Variants in SLC25A21 observed in about 807,000 individuals in gnomAD.
The protein encoded by SLC25A21 is mitochondrial 2-oxodicarboxylate carrier.
SLC25A21 carries 47 observed loss-of-function variants against 43.8 expected under a neutral mutation model. The ratio of observed to expected loss-of-function variants is 1.07; its 90% CI spans 0.85 to 1.37. SLC25A21 has a LOEUF of 1.37. Among genes scored for constraint, SLC25A21 ranks in the 40% most tolerant of loss-of-function variants. The probability of loss-of-function intolerance (pLI) is 0.00; values close to 1 mark genes in which losing one functional copy is unlikely to be tolerated. For missense variants in SLC25A21, 352 were observed against 350.2 expected, an observed-to-expected ratio of 1.00 and a Z score of -0.04; for synonymous variants, 131 against 121.3, an observed-to-expected ratio of 1.08 and a Z score of -0.52.
intron 2 of SLC25A21, among the ~76,000 whole-genome samples, chr14:36,822,469 G>A (rs1456529259): frequency 6.6e-6 from 1 of 152,156 alleles, no homozygotes; most frequent in Non-Finnish European, 1.5e-5. Context: ...GTCTTTATTA[G>A]GTGTAGGTGG....
At chr14:36,830,646 T>C (rs1023409433) in intron 2 of SLC25A21, among the ~76,000 whole-genome samples, 16 of 152,192 alleles carry the variant, frequency 1.1e-4, no homozygotes, top group Admixed American at 9.2e-4. Context: ...TTGCATGTTG[T>C]ATGTAAACTG....
At chr14:37,012,184 C>T (rs898164482) in intron 1 of SLC25A21, among the ~76,000 whole-genome samples, 1 of 152,062 alleles carries the variant, frequency 6.6e-6, no homozygotes, top group African/African-American at 2.4e-5. Context: ...GGTAATAAAT[C>T]CAAAGGCTAC....
At chr14:37,018,805 A>G (rs568449628) in intron 1 of SLC25A21, among the ~76,000 whole-genome samples, 15 of 152,130 alleles carry the variant, frequency 9.9e-5, no homozygotes, top group African/African-American at 3.4e-4. Flanking sequence ...CACCACCCGC[A>G]TAATTTCAAC....
At chr14:36,845,547 T>C (rs1352249878) in intron 2 of SLC25A21, among the ~76,000 whole-genome samples, 4 of 152,244 alleles carry the variant, frequency 2.6e-5, no homozygotes, top group Admixed American at 6.5e-5. Flanking sequence ...GTGCCAAGTA[T>C]TGCATGAGGC....
chr14:36,905,927 AGAG>A (rs2138604813), intron 1 of SLC25A21, among the ~76,000 whole-genome samples: 1 of 152,280 alleles, frequency 6.6e-6, no homozygotes, highest in East Asian at 1.9e-4. Context: ...GGCTTAAGAA[AGAG>A]GAGGTAACGT....
intron 1 of SLC25A21, among the ~76,000 whole-genome samples, chr14:37,129,301 T>A (rs6571786): frequency 0.94 from 143,168 of 152,288 alleles, 67,438 homozygotes; most frequent in East Asian, 1. Context: ...TTGGCACTTT[T>A]TTATGCACAG....
At position 36,679,364 on chromosome 14, in the gene SLC25A21, C is replaced by G. The variant is rs1882082851; in HGVS notation, c.*1294G>C. ...TAAATTAATAAAAAGTAATAATTACCATGTTATCTTTTACTTTTTATTTTC... is the reference window on the plus strand; with the variant it reads ...TAAATTAATAAAAAGTAATAATTACGATGTTATCTTTTACTTTTTATTTTC... On this transcript the variant is annotated 3_prime_UTR_variant, in exon 10 of 10. Coordinates refer to ENST00000331299, the MANE Select transcript of SLC25A21 (RefSeq NM_030631.4). The G allele has an allele frequency of 1.0e-6, 1 of 974,738 alleles. No individual in the cohort carries two copies. The highest frequency in any genetic ancestry group is 1.2e-6 in the Non-Finnish European group (1 of 820,624). The allele number at this position is 974,738 out of a possible 1,614,324, so 60.4% of individuals were successfully genotyped here. A position where few individuals can be genotyped will look rare whatever the true frequency, so the allele number is the denominator to read the frequency against.
At chr14:37,166,910 T>TAA (rs1413004509) in intron 1 of SLC25A21, among the ~76,000 whole-genome samples, 2 of 152,124 alleles carry the variant, frequency 1.3e-5, no homozygotes, top group African/African-American at 4.8e-5. Flanking sequence ...CTATATATTC[T>TAA]AACAGGGATC....
At chr14:37,090,267 G>T (rs1293731461) in intron 1 of SLC25A21, among the ~76,000 whole-genome samples, 1 of 152,232 alleles carries the variant, frequency 6.6e-6, no homozygotes. Context: ...GATTGCTGTT[G>T]TGACAGTTTT....
At chr14:36,932,659 A>G (rs1892324311) in intron 1 of SLC25A21, among the ~76,000 whole-genome samples, 1 of 152,032 alleles carries the variant, frequency 6.6e-6, no homozygotes. Flanking sequence ...CATATACATG[A>G]TCCTGCTCTA....
chr14:37,099,046 G>T (rs936985829), intron 1 of SLC25A21, among the ~76,000 whole-genome samples: 1 of 151,824 alleles, frequency 6.6e-6, no homozygotes, highest in Non-Finnish European at 1.5e-5. Flanking sequence ...CAAGTGATCC[G>T]CCTGCCTCGG....
rs1350210075 is a variant in SLC25A21 at position 36,891,000 on chromosome 14, C to A, written c.71-15996G>T. ...TTTTCTAAGAACCAAAATACAACTG[C>A]CTTGAAAGACTTGTAATCGACAGTA... On this transcript the variant is annotated intron_variant, in intron 1 of 9. Coordinates refer to ENST00000331299, the MANE Select transcript of SLC25A21 (RefSeq NM_030631.4). Among the ~76,000 whole-genome samples, 8 of 152,224 alleles carry A rather than the reference C, an allele frequency of 5.3e-5. No homozygotes were observed. The East Asian group carries it at 1.5e-3, about 29-fold the overall frequency.
intron 1 of SLC25A21, among the ~76,000 whole-genome samples, chr14:36,934,631 A>G (rs1296999421): frequency 6.6e-6 from 1 of 152,082 alleles, no homozygotes; most frequent in East Asian, 1.9e-4. Context: ...GTAAAAAGAA[A>G]GTGGTAGGAT....
intron 3 of SLC25A21, among the ~76,000 whole-genome samples, chr14:36,802,345 A>G (rs1887896025): frequency 6.6e-6 from 1 of 152,194 alleles, no homozygotes; most frequent in South Asian, 2.1e-4. Flanking sequence ...ATATTATTTC[A>G]TCAGAGTTCT....
chr14:36,893,920 C>A (rs1324664217), intron 1 of SLC25A21, among the ~76,000 whole-genome samples: 4 of 152,078 alleles, frequency 2.6e-5, no homozygotes, highest in Non-Finnish European at 4.4e-5. Flanking sequence ...GGTACCAGTA[C>A]CATGCTGTTT....
intron 1 of SLC25A21, among the ~76,000 whole-genome samples, chr14:37,124,590 G>A (rs1177704572): frequency 6.6e-6 from 1 of 152,132 alleles, no homozygotes; most frequent in East Asian, 1.9e-4. Context: ...GATTCCCAAG[G>A]CTGAAAATAT....
chr14:36,721,861 A>C (rs532818157), intron 6 of SLC25A21, among the ~76,000 whole-genome samples: 1 of 152,310 alleles, frequency 6.6e-6, no homozygotes, highest in African/African-American at 2.4e-5. Flanking sequence ...ATATTTTCTA[A>C]ATTTTCTACG....
chr14:37,034,913 C>T (rs994487067), intron 1 of SLC25A21, among the ~76,000 whole-genome samples: 6 of 152,156 alleles, frequency 3.9e-5, no homozygotes, highest in Non-Finnish European at 8.8e-5. Flanking sequence ...TAAATCCCTG[C>T]CTAATAGGAG....
At chr14:37,077,513 C>T (rs973837047) in intron 1 of SLC25A21, among the ~76,000 whole-genome samples, 43 of 152,024 alleles carry the variant, frequency 2.8e-4, no homozygotes, top group African/African-American at 9.2e-4. Flanking sequence ...TTTTAGAACA[C>T]GTGACATAGA....
Sources: allele counts gnomAD v4.1 joint callset (sites outside exome capture counted in the v4.1 genomes callset), GRCh38; gene constraint gnomAD v4.1.1; transcripts MANE v1.5; gene names NCBI Gene and HGNC (gene_info 2026-07-23, HGNC 2026-07-21).